R3HCC1: variants seen among roughly 807,000 people sequenced by gnomAD.
R3HCC1 encodes R3H and coiled-coil domain-containing protein 1.
A neutral mutation model predicts 40.0 loss-of-function variants in R3HCC1; 32 were observed. The observed-to-expected ratio is 0.80, with a 90% CI of 0.60 to 1.07. R3HCC1 has a LOEUF of 1.07. R3HCC1 is among the 50% of genes least tolerant of loss of function. The pLI is 0.00. For synonymous variants in R3HCC1, 237 were observed against 232.8 expected (o/e 1.02, Z -0.17); for missense variants, 586 against 563.3 (o/e 1.04, Z -0.41).
intron 4 of R3HCC1, 75 bp from the exon 5 acceptor site, chr8:23,291,284 GCT>G (rs1802860321): frequency 1.3e-6 from 2 of 1,487,932 alleles, no homozygotes; most frequent in East Asian, 5.0e-5. Flanking sequence ...TCCCTGCAGA[GCT>G]CTCAGCGCGT....
At chr8:23,290,533 T>TGG (rs1462634534) in intron 4 of R3HCC1, 64 bp downstream of exon 4, 5 of 1,490,340 alleles carry the variant, frequency 3.4e-6, no homozygotes, top group Non-Finnish European at 3.6e-6. Flanking sequence ...CGTGGGTGGA[T>TGG]GGGGACCAAG....
At chr8:23,294,987 C>CGCTTGACTTCTCT in intron 7 of R3HCC1, 123 bp downstream of exon 7, 1 of 750,672 alleles carries the variant, frequency 1.3e-6, no homozygotes, top group East Asian at 2.8e-5. Context: ...TAATTCTTCC[C>CGCTTGACTTCTCT]GCTTGACTTC....
At position 23,294,804 on chromosome 8, in the gene R3HCC1, A is replaced by G. The variant is rs767184427; in HGVS notation, c.1132A>G (p.Lys378Glu). The change falls in exon 7 of 8, where the codon AAG (lysine) becomes GAG (glutamate). Residue 378 changes from lysine (K) to glutamate (E), a missense_variant. By Grantham distance (56) the Lys-to-Glu change is moderately conservative. Transcript: ENST00000265806. ...CCTGACCCGGGAGTTCTCGGTGCTC[A>G]AGATCCGGCCCCTCACACAGGGAAC... 8 of 1,551,400 alleles carry G rather than the reference A, an allele frequency of 5.2e-6. No individual in the cohort carries two copies. Among genetic ancestry groups the G allele is most frequent in the Non-Finnish European group, 7.0e-6 (8 of 1,146,950 alleles).
intron 1 of R3HCC1, 23 bp downstream of exon 1, chr8:23,288,180 G>A: frequency 8.3e-7 from 1 of 1,205,618 alleles, no homozygotes. Flanking sequence ...GCACTGGGGG[G>A]GTGGTCGTCC....
intron 7 of R3HCC1, 122 bp from the exon 8 acceptor site, chr8:23,295,845 C>T (rs1229497067): frequency 2.2e-6 from 3 of 1,340,742 alleles, no homozygotes; most frequent in Non-Finnish European, 3.0e-6. Flanking sequence ...CACAGCTGGG[C>T]CGAGGCCCCA....
Position 23,296,003 on chromosome 8 carries a change from A to C in R3HCC1, c.1229A>C (p.Asn410Thr). Residue 410 changes from asparagine (N) to threonine (T), a missense_variant, in exon 8 of 8, where the codon AAT (asparagine) becomes ACT (threonine). Physicochemically the swap from Asn to Thr is moderately conservative, Grantham distance 65. Transcript: ENST00000265806. Reference sequence around the variant, plus strand: ...CTGGTGAAGGAGAGGCCACAGACAAATGCGACTGTGGCCCGGCGGCTGGTG... The same window carrying C: ...CTGGTGAAGGAGAGGCCACAGACAACTGCGACTGTGGCCCGGCGGCTGGTG... 1 of 1,550,838 alleles carries C rather than the reference A, an allele frequency of 6.4e-7. No individual in the cohort carries two copies. Among genetic ancestry groups the C allele is most frequent in the African/African-American group, 1.4e-5 (1 of 73,162 alleles).
intron 7 of R3HCC1, 44 bp downstream of exon 7, chr8:23,294,908 TGTGTGC>T: frequency 7.3e-7 from 1 of 1,377,010 alleles, no homozygotes; most frequent in Non-Finnish European, 1.0e-6. Flanking sequence ...TGTGTGTGTG[TGTGTGC>T]GTGCGAGCAT....
In R3HCC1 at chr8:23,294,850, C is replaced by T; in HGVS notation, c.1178C>T (p.Ala393Val). Reference sequence around the variant, plus strand: ...GGAACCAAGCAGTCAAAGCTCAAAGCCTTGCAGAGGCCAAGTAAGGAAAGC... The same window carrying T: ...GGAACCAAGCAGTCAAAGCTCAAAGTCTTGCAGAGGCCAAGTAAGGAAAGC... The change falls in exon 7 of 8, where the codon GCC becomes GTC. Residue 393 changes from alanine (A) to valine (V), a missense_variant. Transcript: ENST00000265806. 6.4e-7 allele frequency: 1 copy of T among 1,551,082 alleles called. No individual in the cohort carries two copies. The highest frequency in any genetic ancestry group is 8.7e-7 in the Non-Finnish European group (1 of 1,146,636).
In R3HCC1 at chr8:23,290,243, ACCCTGTTGG is replaced by A. The variant is rs1802835359; in HGVS notation, c.632_640del (p.Val211_Pro213del). 1.7e-5 allele frequency: 27 copies of A among 1,551,602 alleles called. No individual in the cohort carries two copies. The highest frequency in any genetic ancestry group is 2.4e-5 in the Non-Finnish European group (27 of 1,146,980). On this transcript the variant is annotated inframe_deletion, in exon 4 of 8. Transcript: ENST00000265806. ...AGGTGTGAGAATGAGCCACTGCTGG[ACCCTGTTGG>A]CCCTGAGCCTCTGGGGCCTGAGAGT...
At chr8:23,288,256 G>T in intron 1 of R3HCC1, 99 bp downstream of exon 1, 1 of 1,162,978 alleles carries the variant, frequency 8.6e-7, no homozygotes, top group Non-Finnish European at 1.1e-6. Context: ...CGTGAGCCCC[G>T]GGAAGGAGCG....
chr8:23,294,857 G>A lies in R3HCC1; in HGVS notation c.1185G>A (p.Gln395=). ...AGCAGTCAAAGCTCAAAGCCTTGCA[G>A]AGGCCAAGTAAGGAAAGCGCATGTC... Residue 395 remains glutamine (Q), a synonymous_variant, in exon 7 of 8, where the codon CAG becomes CAA. Transcript: ENST00000265806. The A allele has an allele frequency of 6.4e-7, 1 of 1,550,790 alleles. No homozygotes were observed. Among genetic ancestry groups the A allele is most frequent in the Non-Finnish European group, 8.7e-7 (1 of 1,146,360 alleles).
chr8:23,288,198 C>A, intron 1 of R3HCC1, 41 bp downstream of exon 1: 2 of 1,203,676 alleles, frequency 1.7e-6, no homozygotes, highest in Non-Finnish European at 2.1e-6. Context: ...TCCCGACCCC[C>A]GGGCTCCCGG....
chr8:23,290,306 T>G lies in R3HCC1; in HGVS notation c.689T>G (p.Met230Arg). Residue 230 changes from methionine (M) to arginine (R), a missense_variant, in exon 4 of 8, where the codon ATG becomes AGG. By Grantham distance (91) the Met-to-Arg change is moderately conservative (BLOSUM62 -1). Transcript: ENST00000265806. Reference sequence around the variant, plus strand: ...TCAGGGAAGGGAGACATGGTGGAGATGGCCACACGGTTTGGGTCCACCCTG... The same window carrying G: ...TCAGGGAAGGGAGACATGGTGGAGAGGGCCACACGGTTTGGGTCCACCCTG... 1 of 1,551,690 alleles carries G rather than the reference T, an allele frequency of 6.4e-7. No homozygotes were observed. The highest frequency in any genetic ancestry group is 8.7e-7 in the Non-Finnish European group (1 of 1,146,998).
chr8:23,290,608 T>G, intron 4 of R3HCC1, 139 bp downstream of exon 4: 1 of 1,038,240 alleles, frequency 9.6e-7, no homozygotes, highest in Non-Finnish European at 1.4e-6. Flanking sequence ...GTGACAGGGA[T>G]TCCTTAGGGA....
Position 23,293,338 on chromosome 8 carries a change from C to G in R3HCC1, c.1061C>G (p.Thr354Ser). ...TTCAGGATTCAGTGGGTGGATGATA[C>G]TCACGCACTCGGCATCTTTCCCTGC... Residue 354 changes from threonine to serine, a missense_variant, in exon 6 of 8, where the codon ACT (threonine) becomes AGT (serine). Thr to Ser is a moderately conservative substitution (Grantham distance 58). Transcript: ENST00000265806. The G allele has an allele frequency of 1.9e-6, 3 of 1,551,284 alleles. No individual in the cohort carries two copies. The highest frequency in any genetic ancestry group is 2.6e-6 in the Non-Finnish European group (3 of 1,146,846).
intron 4 of R3HCC1, 114 bp downstream of exon 4, chr8:23,290,583 A>AG: frequency 4.7e-6 from 6 of 1,266,088 alleles, no homozygotes; most frequent in Non-Finnish European, 6.4e-6. Flanking sequence ...AAGGGGAGGT[A>AG]GGGCTGGGTG....
At position 23,295,989 on chromosome 8, in the gene R3HCC1, G is replaced by T. The variant is rs777989967; in HGVS notation, c.1215G>T (p.Glu405Asp). The T allele has an allele frequency of 1.3e-6, 2 of 1,550,728 alleles. No individual in the cohort carries two copies. The highest frequency in any genetic ancestry group is 2.7e-5 in the African/African-American group (2 of 73,042). Residue 405 changes from glutamate (E) to aspartate (D), a missense_variant, in exon 8 of 8, where the codon GAG becomes GAT. By Grantham distance (45) the Glu-to-Asp change is conservative. Transcript: ENST00000265806. ...TAGAACTCCTGCGTCTGGTGAAGGAGAGGCCACAGACAAATGCGACTGTGG... is the reference window on the plus strand; with the variant it reads ...TAGAACTCCTGCGTCTGGTGAAGGATAGGCCACAGACAAATGCGACTGTGG...
In R3HCC1 at chr8:23,288,944, T is replaced by G. The variant is rs963046191; in HGVS notation, c.111-72T>G. 4 of 1,482,794 alleles carry G rather than the reference T, an allele frequency of 2.7e-6. No homozygotes were observed. The African/African-American group carries it at 5.6e-5, about 21-fold the overall frequency. The allele number at this position is 1,482,794 out of a possible 1,614,324, so 91.9% of individuals were successfully genotyped here. A position where few individuals can be genotyped will look rare whatever the true frequency, so the allele number is the denominator to read the frequency against. On this transcript the variant is annotated intron_variant, in intron 2 of 7. Transcript: ENST00000265806. The stretch of plus-strand genomic sequence containing the variant: ...AGGGAGCCCAGTGTTAATCCGCGAT[T>G]AACCTGGGAGTGGACCTGGTAGGGG...
At chr8:23,289,240 G>T (rs2117118930) in intron 3 of R3HCC1, 87 bp downstream of exon 3, 1 of 1,436,032 alleles carries the variant, frequency 7.0e-7, no homozygotes, top group African/African-American at 1.4e-5. Context: ...GCAGGGCTGG[G>T]GGGAACCAGG....
Sources: allele counts gnomAD v4.1 joint callset, GRCh38; gene constraint gnomAD v4.1.1; transcripts MANE v1.5; gene names NCBI Gene and HGNC (gene_info 2026-07-23, HGNC 2026-07-21).